NOX4: variants seen among roughly 807,000 people sequenced by gnomAD.
NOX4 encodes kidney oxidase-1.
Under a neutral mutation model 87.6 loss-of-function variants are expected in NOX4, and 69 were observed. The ratio of observed to expected loss-of-function variants is 0.79; its 90% CI spans 0.65 to 0.96. The LOEUF is 0.96. Ranked by LOEUF, NOX4 falls within the 40% of genes least tolerant of loss-of-function variation. The pLI, the probability that NOX4 is intolerant of heterozygous loss-of-function variation, is 0.00. For synonymous variants in NOX4, 275 were observed against 238.2 expected (o/e 1.15, Z -1.42); for missense variants, 680 against 681.5 (o/e 1.00, Z 0.02).
At chr11:89,575,262 T>G in the NOX4 span, among the ~76,000 whole-genome samples, 1 of 119,308 alleles carries the variant, frequency 8.4e-6, no homozygotes, top group East Asian at 2.8e-4. Flanking sequence ...GAAATGGAGG[T>G]ACATTGTAGT....
At chr11:89,352,298 C>T (rs986939600) in intron 13 of NOX4, among the ~76,000 whole-genome samples, 1 of 152,146 alleles carries the variant, frequency 6.6e-6, no homozygotes, top group African/African-American at 2.4e-5. Flanking sequence ...ATTGACAATG[C>T]ACCTAGTCAA....
chr11:89,433,338 C>A (rs1943911364), intron 6 of NOX4, among the ~76,000 whole-genome samples: 1 of 151,956 alleles, frequency 6.6e-6, no homozygotes, highest in Non-Finnish European at 1.5e-5. Context: ...CAGAATATTC[C>A]ATTTTTTTTA....
In NOX4 at chr11:89,491,232, C is replaced by T. The variant is rs768614978; in HGVS notation, c.15G>A (p.Trp5Ter). The part of the protein sequence containing the change: MAVS[W>*]RSWLANEGVK... ...CCCCTTCGTTGGCGAGCCAGCTCCT[C>T]CAGGACACAGCCATGCCGCCGGCCC... Residue 5 changes from tryptophan (W) to a stop codon, truncating the protein, a stop_gained, in exon 1 of 18, where the codon TGG becomes TGA. Coordinates refer to ENST00000263317, the MANE Select transcript of NOX4 (RefSeq NM_016931.5). LOFTEE classifies it high-confidence loss of function. 65 of 1,613,452 alleles carry T rather than the reference C, an allele frequency of 4.0e-5. No homozygotes were observed. The South Asian group carries it at 6.9e-4, about 17-fold the overall frequency.
chr11:89,565,412 T>C, the NOX4 span, among the ~76,000 whole-genome samples: 1 of 152,190 alleles, frequency 6.6e-6, no homozygotes, highest in Non-Finnish European at 1.5e-5. Flanking sequence ...TTGGATATTA[T>C]AGATACATAA....
At chr11:89,394,070 G>A (rs1452985204) in intron 11 of NOX4, among the ~76,000 whole-genome samples, 7 of 148,748 alleles carry the variant, frequency 4.7e-5, no homozygotes, top group Non-Finnish European at 1.0e-4. Context: ...GGCCATAGAA[G>A]GGACTTACTT....
At chr11:89,424,308 T>C (rs969382429) in intron 7 of NOX4, among the ~76,000 whole-genome samples, 1 of 151,136 alleles carries the variant, frequency 6.6e-6, no homozygotes, top group Non-Finnish European at 1.5e-5. Flanking sequence ...TTCAACTCTT[T>C]TACTTGGTGT....
chr11:89,383,333 C>A (rs796197359), intron 11 of NOX4, among the ~76,000 whole-genome samples: 1 of 152,174 alleles, frequency 6.6e-6, no homozygotes, highest in Non-Finnish European at 1.5e-5. Flanking sequence ...CCCATCTATG[C>A]GGGACCCCGT....
intron 11 of NOX4, among the ~76,000 whole-genome samples, chr11:89,387,513 T>A (rs1940800382): frequency 6.6e-6 from 1 of 152,172 alleles, no homozygotes; most frequent in Admixed American, 6.6e-5. Flanking sequence ...GCTTTATTGC[T>A]CACACAAAGC....
chr11:89,502,962 G>A (rs1000718722), upstream of NOX4, among the ~76,000 whole-genome samples: 1 of 151,902 alleles, frequency 6.6e-6, no homozygotes, highest in Non-Finnish European at 1.5e-5. Context: ...TGTCACCTTA[G>A]GGTCTAGCTT....
intron 2 of NOX4, among the ~76,000 whole-genome samples, chr11:89,470,471 GC>G (rs1945884194): frequency 6.6e-6 from 1 of 152,102 alleles, no homozygotes; most frequent in African/African-American, 2.4e-5. Flanking sequence ...ATCCTTCAAT[GC>G]CCTTATTTTA....
chr11:89,575,043 C>G, the NOX4 span, among the ~76,000 whole-genome samples: 2 of 152,194 alleles, frequency 1.3e-5, no homozygotes, highest in South Asian at 4.1e-4. Context: ...ATTAGCCAAC[C>G]GTGGTGGCAC....
At chr11:89,517,656 A>T in the NOX4 span, among the ~76,000 whole-genome samples, 4 of 151,574 alleles carry the variant, frequency 2.6e-5, no homozygotes, top group Non-Finnish European at 5.9e-5. Context: ...AATTTTAAAA[A>T]CATTTTTGTA....
At chr11:89,565,745 T>G in the NOX4 span, among the ~76,000 whole-genome samples, 1 of 152,036 alleles carries the variant, frequency 6.6e-6, no homozygotes, top group Non-Finnish European at 1.5e-5. Context: ...AAAGAAAAAT[T>G]TCATCTATTC....
chr11:89,353,411 C>T (rs1937714315), intron 13 of NOX4, among the ~76,000 whole-genome samples: 1 of 152,084 alleles, frequency 6.6e-6, no homozygotes, highest in African/African-American at 2.4e-5. Flanking sequence ...GATCCTCTAC[C>T]AGCAAAAAGT....
intron 3 of NOX4, 144 bp from the exon 4 acceptor site, chr11:89,449,668 A>G: frequency 1.7e-6 from 1 of 585,138 alleles, no homozygotes; most frequent in Non-Finnish European, 3.0e-6. Context: ...ATTATGATCT[A>G]TCTAGTTAAT....
intron 7 of NOX4, among the ~76,000 whole-genome samples, chr11:89,427,899 C>T (rs1943534780): frequency 6.6e-6 from 1 of 152,078 alleles, no homozygotes; most frequent in South Asian, 2.1e-4. Context: ...AGAAGACCAA[C>T]TCAAAGACAC....
chr11:89,500,499 T>A (rs919047969), upstream of NOX4, among the ~76,000 whole-genome samples: 1 of 152,186 alleles, frequency 6.6e-6, no homozygotes, highest in African/African-American at 2.4e-5. Context: ...AAGTTTCAGC[T>A]GGATTATAGC....
At chr11:89,528,684 T>C in the NOX4 span, among the ~76,000 whole-genome samples, 1 of 152,154 alleles carries the variant, frequency 6.6e-6, no homozygotes, top group Non-Finnish European at 1.5e-5. Flanking sequence ...TCTGCCATGA[T>C]TGTAAATTTC....
chr11:89,339,248 G>T (rs1945866096), intron 15 of NOX4, among the ~76,000 whole-genome samples: 1 of 152,184 alleles, frequency 6.6e-6, no homozygotes, highest in Non-Finnish European at 1.5e-5. Flanking sequence ...AATCTGGTGG[G>T]TCTATCATCT....
Sources: allele counts gnomAD v4.1 joint callset (sites outside exome capture counted in the v4.1 genomes callset), GRCh38; gene constraint gnomAD v4.1.1; transcripts MANE v1.5; gene names NCBI Gene and HGNC (gene_info 2026-07-23, HGNC 2026-07-21).